Variants in APOO observed in about 807,000 individuals in gnomAD.
APOO encodes the protein apolipoprotein O, also known as MICOS complex subunit MIC26.
APOO carries 11 observed loss-of-function variants against 23.1 expected under a neutral mutation model. The observed-to-expected ratio is 0.48, with a 90% confidence interval of 0.30 to 0.79. APOO has a LOEUF of 0.79. Ranked by LOEUF, APOO falls within the 30% of genes least tolerant of loss-of-function variation. The probability of loss-of-function intolerance (pLI) is 0.07; values close to 1 mark genes in which losing one functional copy is unlikely to be tolerated. For synonymous variants in APOO, 59 were observed against 54.8 expected (o/e 1.08, Z -0.34); for missense variants, 160 against 142.7 (o/e 1.12, Z -0.62).
At chrX:23,869,640 GAAAA>G (rs761388017) in intron 4 of APOO, among the ~76,000 whole-genome samples, 2 of 33,933 alleles carry the variant, frequency 5.9e-5, no homozygotes, top group African/African-American at 2.3e-4. Flanking sequence ...CTCTTAAAAA[GAAAA>G]AAAAAAAAAA....
At chrX:23,857,553 C>A (rs1400421229) in intron 6 of APOO, among the ~76,000 whole-genome samples, 1 of 111,454 alleles carries the variant, frequency 9.0e-6, no homozygotes, top group Non-Finnish European at 1.9e-5. Context: ...AAGCTGGGGC[C>A]ACTGGACTCT....
intron 1 of APOO, among the ~76,000 whole-genome samples, chrX:23,885,165 G>A (rs1452503013): frequency 9.2e-6 from 1 of 108,732 alleles, no homozygotes; most frequent in Non-Finnish European, 1.9e-5. Context: ...TTGGGAGGCC[G>A]AGGTGGGTGG....
intron 5 of APOO, among the ~76,000 whole-genome samples, chrX:23,861,138 T>C (rs999128931): frequency 4.5e-5 from 5 of 110,841 alleles, no homozygotes; most frequent in African/African-American, 1.3e-4. Flanking sequence ...GATGTTGTTC[T>C]CTCTGAATCT....
At chrX:23,877,204 T>C (rs1049726731) in intron 3 of APOO, among the ~76,000 whole-genome samples, 2 of 111,919 alleles carry the variant, frequency 1.8e-5, no homozygotes, top group African/African-American at 6.5e-5. Flanking sequence ...GATACAAAAA[T>C]ATACACACAA....
chrX:23,845,357 A>G (rs1278592029), intron 7 of APOO, among the ~76,000 whole-genome samples: 1 of 112,231 alleles, frequency 8.9e-6, no homozygotes, highest in East Asian at 2.8e-4. Context: ...ATACAGTGGT[A>G]AGAATACTTA....
chrX:23,852,400 C>T (rs189507807), intron 7 of APOO, among the ~76,000 whole-genome samples: 3,087 of 110,118 alleles, frequency 0.028, 38 homozygotes, highest in Non-Finnish European at 0.043. Flanking sequence ...AGATCAAGAC[C>T]ACCCTGCACA....
chrX:23,879,613 C>T (rs1178626429), intron 2 of APOO, among the ~76,000 whole-genome samples: 1 of 112,157 alleles, frequency 8.9e-6, no homozygotes, highest in East Asian at 2.8e-4. Flanking sequence ...CAAAGCAGCT[C>T]CTCTTTATCC....
At chrX:23,897,513 T>G (rs761272921) in intron 1 of APOO, among the ~76,000 whole-genome samples, 1 of 111,956 alleles carries the variant, frequency 8.9e-6, no homozygotes, top group Non-Finnish European at 1.9e-5. Flanking sequence ...TATATATGTG[T>G]TTTTTTCTCT....
intron 1 of APOO, among the ~76,000 whole-genome samples, chrX:23,888,200 G>A (rs1926457363): frequency 8.9e-6 from 1 of 112,232 alleles, no homozygotes; most frequent in African/African-American, 3.2e-5. Flanking sequence ...AATGGAAACA[G>A]AGCAACCAGT....
intron 1 of APOO, among the ~76,000 whole-genome samples, chrX:23,899,622 T>G (rs1227176459): frequency 8.9e-6 from 1 of 112,467 alleles, no homozygotes; most frequent in Admixed American, 9.5e-5. Context: ...AATCAACTGA[T>G]ACACTCTTTC....
At chrX:23,891,969 C>T (rs1926675040) in intron 1 of APOO, among the ~76,000 whole-genome samples, 1 of 45,186 alleles carries the variant, frequency 2.2e-5, no homozygotes, top group Non-Finnish European at 3.8e-5. Flanking sequence ...TGACATTATG[C>T]TTTCAACTAT....
rs756595892 is a variant in APOO, at chrX:23,858,682, G to A, written c.440C>T (p.Ala147Val). ...VYPPGFMGLA[A>V]SLYYPQQAIV... ...GGCTTGTTGTGGATAATAGAGGGAG[G>A]CAGCTAATCCCATGAAACCAGGCGG... Residue 147 changes from alanine to valine, a missense_variant, in exon 6 of 9, where the codon GCC becomes GTC. Ala to Val is a moderately conservative substitution (Grantham distance 64). Transcript: ENST00000379226. 1 of 1,211,239 alleles carries A rather than the reference G, an allele frequency of 8.3e-7. No individual in the cohort carries two copies. The highest frequency in any genetic ancestry group is 1.8e-5 in the South Asian group (1 of 56,886).
intron 4 of APOO, among the ~76,000 whole-genome samples, chrX:23,869,640 G>GAAAA (rs761388017): frequency 3.8e-4 from 13 of 33,892 alleles, no homozygotes; most frequent in African/African-American, 7.0e-4. Context: ...CTCTTAAAAA[G>GAAAA]AAAAAAAAAA....
At chrX:23,894,824 C>T (rs747815683) in intron 1 of APOO, among the ~76,000 whole-genome samples, 5 of 109,395 alleles carry the variant, frequency 4.6e-5, no homozygotes, top group Non-Finnish European at 9.5e-5. Context: ...AAATCAGTCT[C>T]GATATATTTT....
chrX:23,843,032 CA>C (rs919685734), intron 7 of APOO, among the ~76,000 whole-genome samples: 4 of 110,817 alleles, frequency 3.6e-5, no homozygotes, highest in South Asian at 3.7e-4. Context: ...AACAAACAAA[CA>C]AAAAAACAAG....
At chrX:23,856,495 T>A (rs1158942130) in intron 6 of APOO, 113 bp from the exon 7 acceptor site, 6 of 534,178 alleles carry the variant, frequency 1.1e-5, no homozygotes, top group Non-Finnish European at 1.8e-5. Flanking sequence ...CATATGTTCA[T>A]CATAGCACTA....
chrX:23,899,062 A>G (rs1396451769), intron 1 of APOO, among the ~76,000 whole-genome samples: 1 of 112,389 alleles, frequency 8.9e-6, no homozygotes, highest in African/African-American at 3.2e-5. Context: ...GCACTTGTGG[A>G]TCTATCTCTA....
At chrX:23,880,103 G>A (rs1295393698) in intron 2 of APOO, among the ~76,000 whole-genome samples, 22 of 106,798 alleles carry the variant, frequency 2.1e-4, no homozygotes, top group African/African-American at 4.5e-4. Context: ...ACATACTTAT[G>A]AGCGGCTCCT....
rs769499730 is a variant in APOO at position 23,874,455 on chromosome X, T to A, written c.240A>T (p.Glu80Asp). The stretch of plus-strand genomic sequence containing the variant: ...TCTTGGGCTTAGTTTGGGAGTACGT[T>A]TCCTAAAAAGGTAAAAAGAAACTGA... ...YCEPYTTWCQ[E>D]TYSQTKPKMQ... Residue 80 changes from glutamate (E) to aspartate (D), a missense_variant and splice_region_variant, in exon 4 of 9, where the codon GAA (glutamate) becomes GAT (aspartate). Transcript: ENST00000379226. The A allele has an allele frequency of 1.7e-6, 2 of 1,207,667 alleles. No homozygotes were observed. Among genetic ancestry groups the A allele is most frequent in the Non-Finnish European group, 2.2e-6 (2 of 891,916 alleles).
Sources: allele counts gnomAD v4.1 joint callset (sites outside exome capture counted in the v4.1 genomes callset), GRCh38; gene constraint gnomAD v4.1.1; transcripts MANE v1.5; gene names NCBI Gene and HGNC (gene_info 2026-07-23, HGNC 2026-07-21).